Variants in GOLGA4 observed in about 807,000 individuals in gnomAD.
GOLGA4 encodes the protein golgin subfamily A member 4.
A neutral mutation model predicts 265.9 loss-of-function variants in GOLGA4; 169 were observed. The observed-to-expected ratio is 0.64, with a 90% CI of 0.56 to 0.72. The LOEUF (loss-of-function observed/expected upper bound fraction) is 0.72, where lower values mean the gene tolerates loss of function less well. Ranked by LOEUF, GOLGA4 falls within the 30% of genes least tolerant of loss-of-function variation. GOLGA4 has a pLI of 0.00. For missense variants in GOLGA4, 2,482 were observed against 2,483.4 expected (o/e 1.00, Z 0.01); for synonymous variants, 923 against 855.8 (o/e 1.08, Z -1.37).
rs150183852 is a variant in GOLGA4, at chr3:37,347,211, C to T, written c.6491C>T (p.Thr2164Met). Residue 2164 changes from threonine (T) to methionine (M), a missense_variant, in exon 21 of 24, where the codon ACG becomes ATG. Transcript: ENST00000361924. ...TTGGCAGGTGGCAATTTGTACCATA[C>T]GGATGTCTCACTCTTTGGAGAACCT... ...TPYKGGNLYH[T>M]DVSLFGEPTE... is the part of the protein sequence containing the mutation. 287 of 1,610,468 alleles carry T rather than the reference C, an allele frequency of 1.8e-4. No individual in the cohort carries two copies. The East Asian group carries it at 5.9e-3, about 33-fold the overall frequency.
Position 37,258,047 on chromosome 3 carries a change from ATATATATATGTATG to A in GOLGA4, c.162+6571_162+6584del, listed in dbSNP as rs1227538330. ...TATGTATATATGTATATATACATAC[ATATATATATGTATG>A]TATATATGTATATATATATGTGTGT... is the stretch of plus-strand genomic sequence containing the variant. On this transcript the variant is annotated intron_variant, in intron 2 of 23. Coordinates refer to ENST00000361924, the MANE Select transcript of GOLGA4 (RefSeq NM_002078.5). Among the ~76,000 whole-genome samples, 9 of 44,004 alleles carry A rather than the reference ATATATATATGTATG, an allele frequency of 2.0e-4. 2 individuals carry two copies. Among genetic ancestry groups the A allele is most frequent in the African/African-American group, 9.8e-4 (9 of 9,190 alleles). 28.9% of individuals were successfully genotyped at this position (44,004 alleles called of 152,430 possible). A position where few individuals can be genotyped will look rare whatever the true frequency, so the allele number is the denominator to read the frequency against.
chr3:37,292,295 A>G (rs1051429915), intron 5 of GOLGA4, among the ~76,000 whole-genome samples: 21 of 152,042 alleles, frequency 1.4e-4, no homozygotes, highest in African/African-American at 4.8e-4. Flanking sequence ...GAAGTGGGGG[A>G]GAAGGGAGTT....
At chr3:37,332,162 G>A (rs1044797515) in intron 16 of GOLGA4, among the ~76,000 whole-genome samples, 1 of 152,174 alleles carries the variant, frequency 6.6e-6, no homozygotes, top group African/African-American at 2.4e-5. Context: ...GTTTCCCATT[G>A]TCACAGTGAT....
At chr3:37,353,341 AAAC>A (rs1261036576) in intron 21 of GOLGA4, among the ~76,000 whole-genome samples, 30 of 152,260 alleles carry the variant, frequency 2.0e-4, no homozygotes, top group African/African-American at 7.0e-4. Context: ...TGCAAAATAA[AAAC>A]AAAGCCAAAA....
At chr3:37,256,140 T>C (rs2096748072) in intron 2 of GOLGA4, among the ~76,000 whole-genome samples, 1 of 152,190 alleles carries the variant, frequency 6.6e-6, no homozygotes. Context: ...GCTCTACTGT[T>C]CTACATTTTT....
intron 11 of GOLGA4, among the ~76,000 whole-genome samples, chr3:37,316,274 CT>C (rs2096937439): frequency 7.0e-6 from 1 of 142,162 alleles, no homozygotes; most frequent in Non-Finnish European, 1.5e-5. Context: ...TATCCTATTT[CT>C]TTACTGACTC....
At chr3:37,315,145 C>G (rs1363161422) in intron 10 of GOLGA4, among the ~76,000 whole-genome samples, 1 of 152,030 alleles carries the variant, frequency 6.6e-6, no homozygotes, top group Non-Finnish European at 1.5e-5. Flanking sequence ...AATGGAGAGC[C>G]TTCAGTAATT....
In GOLGA4 at chr3:37,297,214, G is replaced by A. The variant is rs372715028; in HGVS notation, c.814+995G>A. On this transcript the variant is annotated intron_variant, in intron 7 of 23. Transcript: ENST00000361924. ...GAGGTATATACGCAATAAAATTCCC[G>A]TCTTTTATTTCCTAGCTTTTTCTTT... Among the ~76,000 whole-genome samples the A allele has an allele frequency of 1.4e-4, 22 of 152,226 alleles. No homozygotes were observed. The East Asian group carries it at 3.1e-3, about 21-fold the overall frequency.
At chr3:37,265,483 A>G (rs535566189) in intron 2 of GOLGA4, among the ~76,000 whole-genome samples, 3 of 152,302 alleles carry the variant, frequency 2.0e-5, no homozygotes, top group African/African-American at 7.2e-5. Flanking sequence ...ATATGTAAAA[A>G]TGGGTCAGTA....
intron 16 of GOLGA4, among the ~76,000 whole-genome samples, chr3:37,334,148 A>T (rs897477769): frequency 2.0e-5 from 3 of 152,230 alleles, no homozygotes; most frequent in Non-Finnish European, 2.9e-5. Flanking sequence ...ACAATAAATC[A>T]TGGCAATGAC....
intron 15 of GOLGA4, 86 bp downstream of exon 15, chr3:37,328,623 C>T (rs1250502908): frequency 8.6e-7 from 1 of 1,156,796 alleles, no homozygotes; most frequent in Non-Finnish European, 1.2e-6. Flanking sequence ...GTGGTAAGTG[C>T]ATTAAGTCAT....
chr3:37,350,178 TGTAGA>T (rs369421615), intron 21 of GOLGA4, among the ~76,000 whole-genome samples: 3 of 152,184 alleles, frequency 2.0e-5, no homozygotes, highest in South Asian at 4.1e-4. Context: ...GGATATTGTA[TGTAGA>T]GTAGACAGTC....
chr3:37,331,400 C>T (rs2096989752), intron 16 of GOLGA4, among the ~76,000 whole-genome samples: 1 of 152,134 alleles, frequency 6.6e-6, no homozygotes, highest in Non-Finnish European at 1.5e-5. Context: ...AGTCCCCATC[C>T]AGACATCCCC....
At chr3:37,315,325 A>G (rs1452307423) in intron 10 of GOLGA4, 95 bp from the exon 11 acceptor site, 20 of 986,568 alleles carry the variant, frequency 2.0e-5, no homozygotes, top group Non-Finnish European at 2.9e-5. Flanking sequence ...CTATCCTGCT[A>G]CTGCTGCTCT....
chr3:37,355,824 A>T (rs925877047), intron 22 of GOLGA4, among the ~76,000 whole-genome samples: 2 of 152,052 alleles, frequency 1.3e-5, no homozygotes, highest in Non-Finnish European at 2.9e-5. Flanking sequence ...AAACTTGAAA[A>T]ATTTGGGTCC....
chr3:37,343,199 G>T (rs967489943), intron 20 of GOLGA4, among the ~76,000 whole-genome samples: 1 of 152,214 alleles, frequency 6.6e-6, no homozygotes, highest in East Asian at 1.9e-4. Context: ...TCAGCTCACC[G>T]CAACCTCCAC....
At chr3:37,336,445 T>A (rs1392758818) in intron 17 of GOLGA4, among the ~76,000 whole-genome samples, 1 of 152,078 alleles carries the variant, frequency 6.6e-6, no homozygotes, top group Non-Finnish European at 1.5e-5. Flanking sequence ...CTTTACCTTG[T>A]GTCCTAAGAA....
intron 2 of GOLGA4, among the ~76,000 whole-genome samples, chr3:37,255,412 C>T (rs763129718): frequency 1.5e-4 from 23 of 152,184 alleles, no homozygotes; most frequent in Non-Finnish European, 2.6e-4. Context: ...ATCCATCCGC[C>T]TCGGCCTCCC....
chr3:37,324,285 T>G lies in GOLGA4; in HGVS notation c.2399T>G (p.Leu800Arg). The change falls in exon 14 of 24, where the codon CTG (leucine) becomes CGG (arginine). Residue 800 changes from leucine to arginine, a missense_variant. Physicochemically the swap from Leu to Arg is moderately radical, Grantham distance 102. Coordinates refer to ENST00000361924, the MANE Select transcript of GOLGA4 (RefSeq NM_002078.5). ...GAACTCCAGCAGGCATCTGCTAAGC[T>G]GGACGTTTTTCAGTCTTACCAGAGT... is the stretch of plus-strand genomic sequence containing the variant. Reference protein sequence around the residue: ...EGELQQASAKLDVFQSYQSAT... With the variant: ...EGELQQASAKRDVFQSYQSAT... The G allele has an allele frequency of 6.2e-7, 1 of 1,614,222 alleles. No homozygotes were observed. The highest frequency in any genetic ancestry group is 8.5e-7 in the Non-Finnish European group (1 of 1,180,026).
Sources: allele counts gnomAD v4.1 joint callset (sites outside exome capture counted in the v4.1 genomes callset), GRCh38; gene constraint gnomAD v4.1.1; transcripts MANE v1.5; gene names NCBI Gene and HGNC (gene_info 2026-07-23, HGNC 2026-07-21).